The following MEIS2 variants were observed in gnomAD, a reference collection of about 807,000 sequenced individuals.
MEIS2 encodes the protein homeobox protein Meis2.
Under a neutral mutation model 58.6 loss-of-function variants are expected in MEIS2, and 9 were observed. The observed-to-expected ratio is 0.15, with a 90% CI of 0.09 to 0.27. MEIS2 has a LOEUF of 0.27. Ranked by LOEUF, MEIS2 falls within the 10% of genes least tolerant of loss-of-function variation. The pLI is 1.00. For synonymous variants in MEIS2, 221 were observed against 228.4 expected (o/e 0.97, Z 0.29); for missense variants, 427 against 635.0 (o/e 0.67, Z 3.52).
chr15:37,035,853 T>C (rs186665062), intron 8 of MEIS2, among the ~76,000 whole-genome samples: 37 of 152,336 alleles, frequency 2.4e-4, no homozygotes, highest in African/African-American at 8.9e-4. Flanking sequence ...CTGTAACTAA[T>C]GTCATTCAGC....
intron 8 of MEIS2, among the ~76,000 whole-genome samples, chr15:36,956,780 G>C (rs1180926874): frequency 6.6e-6 from 1 of 151,322 alleles, no homozygotes; most frequent in Non-Finnish European, 1.5e-5. Context: ...TTACCTTTCA[G>C]TCACTTCAGC....
intron 7 of MEIS2, among the ~76,000 whole-genome samples, chr15:37,048,415 AT>A (rs2062768013): frequency 6.6e-6 from 1 of 152,116 alleles, no homozygotes; most frequent in African/African-American, 2.4e-5. Context: ...ATTTCATTCC[AT>A]TTTTAAGAGT....
At chr15:37,098,332 A>C (rs554532742) in intron 1 of MEIS2, 133 bp from the exon 2 acceptor site, 1 of 1,149,370 alleles carries the variant, frequency 8.7e-7, no homozygotes, top group Non-Finnish European at 1.1e-6. Context: ...AGAGAGAGGG[A>C]GGGAGGTAAG....
intron 7 of MEIS2, among the ~76,000 whole-genome samples, chr15:37,063,701 T>C (rs887866708): frequency 2.0e-5 from 3 of 152,184 alleles, no homozygotes; most frequent in Non-Finnish European, 4.4e-5. Context: ...AATAATCAAA[T>C]AGAACTGAGT....
At chr15:36,944,165 C>G (rs566759931) in intron 9 of MEIS2, among the ~76,000 whole-genome samples, 2 of 152,162 alleles carry the variant, frequency 1.3e-5, no homozygotes, top group South Asian at 4.1e-4. Context: ...TGTGTCAATG[C>G]CCTGGTTACC....
Position 36,925,992 on chromosome 15 carries a change from G to A in MEIS2, c.977+24332C>T, listed in dbSNP as rs1027121326. Among the ~76,000 whole-genome samples the A allele has an allele frequency of 5.3e-5, 8 of 152,226 alleles. No individual in the cohort carries two copies. The South Asian group carries it at 8.3e-4, about 16-fold the overall frequency. ...CCAAGATACATTAAGCTGCTTATTC[G>A]TAAAAACTGCATCATCCGTTTTTTC... On this transcript the variant is annotated intron_variant, in intron 9 of 11. Transcript: ENST00000561208.
intron 4 of MEIS2, 106 bp from the exon 5 acceptor site, chr15:37,094,683 G>A: frequency 1.2e-6 from 1 of 823,742 alleles, no homozygotes; most frequent in Non-Finnish European, 1.9e-6. Context: ...GGGCTGGGGA[G>A]AAGAAACGGG....
At chr15:37,027,285 T>C (rs1197845383) in intron 8 of MEIS2, among the ~76,000 whole-genome samples, 2 of 152,168 alleles carry the variant, frequency 1.3e-5, no homozygotes, top group Non-Finnish European at 2.9e-5. Flanking sequence ...AGTAACACTT[T>C]CTAAAATCGA....
chr15:36,937,950 T>C (rs2058236287), intron 9 of MEIS2, among the ~76,000 whole-genome samples: 1 of 152,194 alleles, frequency 6.6e-6, no homozygotes, highest in African/African-American at 2.4e-5. Context: ...TGCCTACTAT[T>C]CCATTTTTAT....
chr15:37,096,105 C>G, intron 3 of MEIS2, 184 bp downstream of exon 3: 1 of 606,808 alleles, frequency 1.6e-6, no homozygotes. Context: ...AAACAAACAC[C>G]CATATTTATC....
chr15:37,029,208 C>G (rs2061819667), intron 8 of MEIS2, among the ~76,000 whole-genome samples: 2 of 152,170 alleles, frequency 1.3e-5, no homozygotes, highest in Admixed American at 6.5e-5. Flanking sequence ...GTGGGAAGCT[C>G]TCTCTGCTGG....
intron 9 of MEIS2, among the ~76,000 whole-genome samples, chr15:36,938,873 G>A (rs1173240373): frequency 6.6e-6 from 1 of 152,182 alleles, no homozygotes; most frequent in African/African-American, 2.4e-5. Context: ...AGCTGCTGAT[G>A]TCCAGCCCGT....
At chr15:36,905,353 G>A (rs1433858376) in intron 9 of MEIS2, among the ~76,000 whole-genome samples, 1 of 152,144 alleles carries the variant, frequency 6.6e-6, no homozygotes, top group African/African-American at 2.4e-5. Flanking sequence ...ATCATGCCAT[G>A]TTCTAGTGTT....
At chr15:36,950,498 A>G (rs973013757) in intron 8 of MEIS2, 98 bp from the exon 9 acceptor site, 61 of 1,168,758 alleles carry the variant, frequency 5.2e-5, no homozygotes, top group Non-Finnish European at 7.0e-5. Context: ...TCTTTAGTCT[A>G]TGGCTTGATT....
At chr15:37,065,558 C>G (rs1889818321) in intron 7 of MEIS2, among the ~76,000 whole-genome samples, 1 of 152,064 alleles carries the variant, frequency 6.6e-6, no homozygotes, top group Non-Finnish European at 1.5e-5. Flanking sequence ...TTTTATTTTA[C>G]TGCTTCAATA....
chr15:36,952,597 G>GTC (rs147145504), intron 8 of MEIS2, among the ~76,000 whole-genome samples: 3,463 of 107,286 alleles, frequency 0.032, 113 homozygotes, highest in East Asian at 0.16. Flanking sequence ...CTGTCTGTCT[G>GTC]TCTCTCTCTC....
At chr15:36,920,349 A>G (rs2057454386) in intron 9 of MEIS2, among the ~76,000 whole-genome samples, 1 of 151,998 alleles carries the variant, frequency 6.6e-6, no homozygotes, top group East Asian at 1.9e-4. Flanking sequence ...GTTTCTCCAC[A>G]TTGGTCAGGT....
intron 9 of MEIS2, chr15:36,903,791 T>C (rs903138489): frequency 2.0e-5 from 3 of 152,180 alleles, no homozygotes; most frequent in African/African-American, 7.2e-5. Flanking sequence ...TCTAGTAGCT[T>C]TTTAGCTTTC....
intron 1 of MEIS2, chr15:37,098,479 G>T: frequency 4.2e-6 from 4 of 961,528 alleles, no homozygotes; most frequent in Non-Finnish European, 5.4e-6. Context: ...CACAAGTTGA[G>T]CACACAGAAA....
Sources: allele counts gnomAD v4.1 joint callset (sites outside exome capture counted in the v4.1 genomes callset), GRCh38; gene constraint gnomAD v4.1.1; transcripts MANE v1.5; gene names NCBI Gene and HGNC (gene_info 2026-07-23, HGNC 2026-07-21).